Variants in FMNL2 observed in about 807,000 individuals in gnomAD.
FMNL2 encodes formin like 2, also known as formin-like protein 2.
Under a neutral mutation model 130.2 loss-of-function variants are expected in FMNL2, and 51 were observed. The observed-to-expected ratio is 0.39, with a 90% CI of 0.31 to 0.49. The LOEUF (loss-of-function observed/expected upper bound fraction) is 0.49, where lower values mean the gene tolerates loss of function less well. Ranked by LOEUF, FMNL2 falls within the 20% of genes least tolerant of loss-of-function variation. The pLI is 0.85. For synonymous variants in FMNL2, 465 were observed against 467.1 expected (o/e 1.00, Z 0.06); for missense variants, 977 against 1,316.2 (o/e 0.74, Z 3.99).
At chr2:152,447,411 A>G (rs1266251926) in intron 1 of FMNL2, among the ~76,000 whole-genome samples, 2 of 152,128 alleles carry the variant, frequency 1.3e-5, no homozygotes, top group East Asian at 3.8e-4. Context: ...CCATCAACTT[A>G]TTTTTGATTT....
At chr2:152,373,140 T>C (rs567950782) in intron 1 of FMNL2, among the ~76,000 whole-genome samples, 1 of 152,254 alleles carries the variant, frequency 6.6e-6, no homozygotes, top group Admixed American at 6.5e-5. Flanking sequence ...TTGTCCCTTC[T>C]GTGTCTAAAA....
intron 10 of FMNL2, among the ~76,000 whole-genome samples, chr2:152,609,292 C>T (rs984868408): frequency 3.3e-5 from 5 of 152,176 alleles, no homozygotes; most frequent in Non-Finnish European, 5.9e-5. Context: ...TTAGGCATAT[C>T]ATAAAACTCA....
In FMNL2 at chr2:152,619,562, C is replaced by T; in HGVS notation, c.1681C>T (p.Pro561Ser). ...PMPPPPPPPP[P>S]PPPPPPPPPP... ...GCCACCGCCGCCGCCGCCCCCTCCTCCACCTCCTCCTCCCCCACCGCCCCC... is the reference window on the plus strand; with the variant it reads ...GCCACCGCCGCCGCCGCCCCCTCCTTCACCTCCTCCTCCCCCACCGCCCCC... Residue 561 changes from proline to serine, a missense_variant, in exon 15 of 26, where the codon CCA becomes TCA. Transcript: ENST00000288670. 1 of 1,441,460 alleles carries T rather than the reference C, an allele frequency of 6.9e-7. No individual in the cohort carries two copies. Among genetic ancestry groups the T allele is most frequent in the Non-Finnish European group, 9.4e-7 (1 of 1,059,108 alleles). The allele number at this position is 1,441,460 out of a possible 1,614,324, so 89.3% of individuals were successfully genotyped here. A position where few individuals can be genotyped will look rare whatever the true frequency, so the allele number is the denominator to read the frequency against.
chr2:152,521,333 T>G (rs1558934167), intron 1 of FMNL2, among the ~76,000 whole-genome samples: 1 of 152,222 alleles, frequency 6.6e-6, no homozygotes, highest in Non-Finnish European at 1.5e-5. Flanking sequence ...TGCCTCATGA[T>G]TAATTTCCTA....
chr2:152,407,516 A>C (rs1329568923), intron 1 of FMNL2, among the ~76,000 whole-genome samples: 2 of 151,862 alleles, frequency 1.3e-5, no homozygotes, highest in African/African-American at 4.8e-5. Context: ...AAAGTCCCCA[A>C]ATCTTTTTGT....
intron 1 of FMNL2, among the ~76,000 whole-genome samples, chr2:152,515,746 C>G (rs1305054663): frequency 6.6e-6 from 1 of 152,152 alleles, no homozygotes; most frequent in Admixed American, 6.6e-5. Flanking sequence ...ATAATAACTA[C>G]TTGTCAGGAT....
At chr2:152,541,998 T>C (rs879801783) in intron 2 of FMNL2, among the ~76,000 whole-genome samples, 2 of 152,176 alleles carry the variant, frequency 1.3e-5, no homozygotes, top group Non-Finnish European at 2.9e-5. Context: ...CAAAGTATGG[T>C]TCCTCTTTTG....
intron 3 of FMNL2, among the ~76,000 whole-genome samples, 159 bp from the exon 4 acceptor site, chr2:152,548,862 A>G (rs945880946): frequency 1.3e-5 from 2 of 152,226 alleles, no homozygotes; most frequent in African/African-American, 4.8e-5. Flanking sequence ...GTTAATTTTC[A>G]TGGTGAGGAA....
intron 1 of FMNL2, among the ~76,000 whole-genome samples, chr2:152,448,026 A>G (rs1688443584): frequency 6.6e-6 from 1 of 152,170 alleles, no homozygotes; most frequent in African/African-American, 2.4e-5. Context: ...CAAAGGTGGC[A>G]TCTTCATTGA....
At chr2:152,645,418 GTTT>G in intron 25 of FMNL2, 1 of 1,268,850 alleles carries the variant, frequency 7.9e-7, no homozygotes, top group South Asian at 1.3e-5. Flanking sequence ...TTGTGTTTTT[GTTT>G]TTTTCTGTTT....
chr2:152,624,038 TC>T (rs1681564731), intron 15 of FMNL2, among the ~76,000 whole-genome samples: 2 of 45,854 alleles, frequency 4.4e-5, no homozygotes, highest in African/African-American at 1.0e-4. Flanking sequence ...TACAATTCCT[TC>T]CCTTCCCTCC....
chr2:152,540,696 T>TG (rs774941348), intron 2 of FMNL2, among the ~76,000 whole-genome samples: 4,601 of 54,870 alleles, frequency 0.084, 183 homozygotes, highest in East Asian at 0.35. Flanking sequence ...TGTGGTGGGG[T>TG]GGGGGGAGGG....
rs369249948 is a variant in FMNL2, at chr2:152,614,974, G to C, written c.1186G>C (p.Glu396Gln). 47 of 1,611,206 alleles carry C rather than the reference G, an allele frequency of 2.9e-5. No individual in the cohort carries two copies. Among genetic ancestry groups the C allele is most frequent in the Non-Finnish European group, 3.9e-5 (46 of 1,179,304 alleles). ...ETKNAALERV[E>Q]ELEENISHLS... ...TAAGAATGCTGCCTTGGAGAGGGTG[G>C]AAGAACTGGAAGAAAACATTTCTCA... The change falls in exon 12 of 26, where the codon GAA (glutamate) becomes CAA (glutamine). Residue 396 changes from glutamate (E) to glutamine (Q), a missense_variant. By Grantham distance (29) the Glu-to-Gln change is conservative. Coordinates refer to ENST00000288670, the MANE Select transcript of FMNL2 (RefSeq NM_052905.4).
intron 23 of FMNL2, among the ~76,000 whole-genome samples, chr2:152,639,652 C>T (rs1682912451): frequency 6.6e-6 from 1 of 152,066 alleles, no homozygotes; most frequent in African/African-American, 2.4e-5. Flanking sequence ...TCACTGAGCA[C>T]AGCTGCCAGG....
intron 1 of FMNL2, among the ~76,000 whole-genome samples, chr2:152,485,009 G>A (rs1365788064): frequency 6.6e-6 from 1 of 152,108 alleles, no homozygotes; most frequent in Non-Finnish European, 1.5e-5. Context: ...AGAATAGATG[G>A]CATTTGATGC....
intron 25 of FMNL2, among the ~76,000 whole-genome samples, chr2:152,642,731 G>A (rs751330065): frequency 6.6e-6 from 1 of 152,232 alleles, no homozygotes; most frequent in Non-Finnish European, 1.5e-5. Flanking sequence ...TCCTGGCTGG[G>A]CGAGGTGGCC....
At chr2:152,405,245 G>A (rs1346107178) in intron 1 of FMNL2, among the ~76,000 whole-genome samples, 2 of 152,192 alleles carry the variant, frequency 1.3e-5, no homozygotes, top group Admixed American at 1.3e-4. Context: ...GGCTGGATTG[G>A]AAAGGTTTGG....
Position 152,390,052 on chromosome 2 carries a change from G to T in FMNL2, c.117+54332G>T, listed in dbSNP as rs1685016546. 3.8e-6 allele frequency: 6 copies of T among 1,581,800 alleles called. No homozygotes were observed. The South Asian group carries it at 6.7e-5, about 18-fold the overall frequency. On this transcript the variant is annotated intron_variant, in intron 1 of 25. Transcript: ENST00000288670. ...AATCATGAGGCCCAGCTCAAGAACG[G>T]CAGCCTTGACTCCCCAGGAAAGCAG...
intron 2 of FMNL2, among the ~76,000 whole-genome samples, chr2:152,534,262 T>G (rs1301984316): frequency 6.6e-6 from 1 of 152,204 alleles, no homozygotes; most frequent in Non-Finnish European, 1.5e-5. Context: ...AGCAGCTTCT[T>G]TAGCTCCTCC....
Sources: gnomAD v4.1 joint callset for allele counts (sites outside exome capture counted in the v4.1 genomes callset) on GRCh38, gnomAD v4.1.1 for gene constraint, MANE v1.5 for transcripts, NCBI Gene and HGNC (gene_info 2026-07-23, HGNC 2026-07-21) for gene names.